L3MBTL4: variants seen among roughly 807,000 people sequenced by gnomAD.
L3MBTL4 encodes the protein lethal(3)malignant brain tumor-like protein 4.
L3MBTL4 carries 70 observed loss-of-function variants against 84.5 expected under a neutral mutation model. That is an observed-to-expected ratio of 0.83 (90% confidence interval 0.68 to 1.01). The LOEUF (loss-of-function observed/expected upper bound fraction) is 1.01, where lower values mean the gene tolerates loss of function less well. Among genes scored for constraint, L3MBTL4 ranks in the 50% least tolerant of loss-of-function variants. The pLI is 0.00. For missense variants in L3MBTL4, 715 were observed against 754.8 expected, an observed-to-expected ratio of 0.95 and a Z score of 0.62; for synonymous variants, 274 against 259.8, an observed-to-expected ratio of 1.05 and a Z score of -0.52.
intron 4 of L3MBTL4, among the ~76,000 whole-genome samples, chr18:6,280,471 C>T (rs1400062441): frequency 6.6e-6 from 1 of 152,178 alleles, no homozygotes; most frequent in Non-Finnish European, 1.5e-5. Context: ...TGTGTGCTAA[C>T]AGAGCTGCAT....
At chr18:6,102,146 C>T (rs76528073) in intron 14 of L3MBTL4, among the ~76,000 whole-genome samples, 4,117 of 152,236 alleles carry the variant, frequency 0.027, 179 homozygotes, top group African/African-American at 0.095. Flanking sequence ...TGTTTATCAG[C>T]TTGAACTGAG....
chr18:6,042,602 T>C (rs1483099798), intron 16 of L3MBTL4, among the ~76,000 whole-genome samples: 1 of 152,194 alleles, frequency 6.6e-6, no homozygotes, highest in Non-Finnish European at 1.5e-5. Context: ...CATTGTCCAG[T>C]ACTGAGACCT....
At position 6,414,381 on chromosome 18, in the gene L3MBTL4, T is replaced by A. The variant is rs996854883; in HGVS notation, c.-91+420A>T. Among the ~76,000 whole-genome samples the A allele has an allele frequency of 6.6e-6, 1 of 152,078 alleles. No individual in the cohort carries two copies. Among genetic ancestry groups the A allele is most frequent in the African/African-American group, 2.4e-5 (1 of 41,434 alleles). On this transcript the variant is annotated intron_variant, in intron 1 of 18. Coordinates refer to ENST00000317931, the MANE Select transcript of L3MBTL4 (RefSeq NM_001330559.2). This position sits in a 1 kb window ranked among gnomAD's most constrained non-coding sequence, Gnocchi z 5.4. ...CAAATGCCCACCGCCGGGCGCTCGA[T>A]GGCCGGAGGACTGCCTGGGGGCCCT...
chr18:6,012,264 C>T lies in L3MBTL4; in HGVS notation c.1445-42702G>A, dbSNP rs182265577. On this transcript the variant is annotated intron_variant, in intron 16 of 18. Coordinates refer to ENST00000317931, the MANE Select transcript of L3MBTL4 (RefSeq NM_001330559.2). ...TTATCCTAAGAGCTGTCAGGGAGGG[C>T]CACAGCAAATGCACTGAGGGATGTA... Among the ~76,000 whole-genome samples the T allele has an allele frequency of 2.0e-5, 3 of 152,172 alleles. No homozygotes were observed. In the East Asian group the frequency reaches 5.8e-4, roughly 29 times the overall value.
At chr18:6,218,007 A>AT (rs757472112) in intron 10 of L3MBTL4, among the ~76,000 whole-genome samples, 2 of 151,866 alleles carry the variant, frequency 1.3e-5, no homozygotes, top group African/African-American at 4.8e-5. Context: ...TTTAAGCTGA[A>AT]TTTTTTTTAA....
At chr18:6,016,074 A>G (rs1227967967) in intron 16 of L3MBTL4, among the ~76,000 whole-genome samples, 2 of 152,208 alleles carry the variant, frequency 1.3e-5, no homozygotes, top group Admixed American at 1.3e-4. Flanking sequence ...CCTCCACTAC[A>G]GGACAGGGCA....
intron 1 of L3MBTL4, among the ~76,000 whole-genome samples, chr18:6,312,422 T>G (rs949271447): frequency 2.6e-5 from 4 of 152,162 alleles, no homozygotes; most frequent in African/African-American, 7.2e-5. Flanking sequence ...GCAACTGAGC[T>G]CATCTCCCTC....
At position 6,410,256 on chromosome 18, in the gene L3MBTL4, C is replaced by T. The variant is rs568414810; in HGVS notation, c.-91+4545G>A. On this transcript the variant is annotated intron_variant, in intron 1 of 18. Coordinates refer to ENST00000317931, the MANE Select transcript of L3MBTL4 (RefSeq NM_001330559.2). ...CTGAACTTCCTTTTGCTTCCATTCC[C>T]CACCTGGCTAGCAGATACTCATCCT... 1.8e-3 allele frequency among the ~76,000 whole-genome samples: 269 copies of T among 152,338 alleles called. 1 individual carries two copies. The highest frequency in any genetic ancestry group is 6.3e-3 in the African/African-American group (261 of 41,582).
At chr18:6,024,722 A>T (rs748841797) in intron 16 of L3MBTL4, among the ~76,000 whole-genome samples, 12 of 152,248 alleles carry the variant, frequency 7.9e-5, no homozygotes, top group Non-Finnish European at 1.3e-4. Context: ...AAGTAAAAAG[A>T]CAGGGATAAA....
chr18:6,189,906 A>T (rs2044985912), intron 12 of L3MBTL4, among the ~76,000 whole-genome samples: 1 of 152,218 alleles, frequency 6.6e-6, no homozygotes, highest in African/African-American at 2.4e-5. Context: ...ATACTCTAAC[A>T]GATATGCAAC....
intron 15 of L3MBTL4, among the ~76,000 whole-genome samples, chr18:6,090,091 T>C (rs1172561422): frequency 6.6e-6 from 1 of 152,146 alleles, no homozygotes; most frequent in Non-Finnish European, 1.5e-5. Context: ...GCTATTCACC[T>C]CCATTTAATG....
chr18:6,159,467 C>A (rs1487360900), intron 13 of L3MBTL4, among the ~76,000 whole-genome samples: 1 of 152,212 alleles, frequency 6.6e-6, no homozygotes, highest in Non-Finnish European at 1.5e-5. Flanking sequence ...ATATTCCACA[C>A]CCCTATCTTT....
At chr18:6,235,740 G>C (rs1190908124) in intron 10 of L3MBTL4, among the ~76,000 whole-genome samples, 1 of 152,172 alleles carries the variant, frequency 6.6e-6, no homozygotes, top group East Asian at 1.9e-4. Flanking sequence ...GAATAAAAAA[G>C]TTTTGAAACT....
In L3MBTL4 at chr18:5,955,086, G is replaced by A. The variant is rs1342985042; in HGVS notation, c.*1134C>T. ...TCCCTCCACTTCTGGGAGAGTATTT[G>A]TAGCTGTTACTACCTGTAAAAGTAG... On this transcript the variant is annotated 3_prime_UTR_variant, in exon 19 of 19. Coordinates refer to ENST00000317931, the MANE Select transcript of L3MBTL4 (RefSeq NM_001330559.2). 6.6e-6 allele frequency: 1 copy of A among 152,154 alleles called. No individual in the cohort carries two copies. Among genetic ancestry groups the A allele is most frequent in the Non-Finnish European group, 1.5e-5 (1 of 68,030 alleles). 9.4% of individuals were successfully genotyped at this position (152,154 alleles called of 1,614,324 possible).
At chr18:6,166,650 A>T (rs2043674688) in intron 13 of L3MBTL4, among the ~76,000 whole-genome samples, 2 of 152,360 alleles carry the variant, frequency 1.3e-5, no homozygotes, top group Middle Eastern at 6.8e-3. Context: ...GACACAACAT[A>T]CCAGAATCTC....
Position 5,974,369 on chromosome 18 carries a change from A to G in L3MBTL4, c.1445-4807T>C, listed in dbSNP as rs74353367. On this transcript the variant is annotated intron_variant, in intron 16 of 18. Coordinates refer to ENST00000317931, the MANE Select transcript of L3MBTL4 (RefSeq NM_001330559.2). ...GGCCATGGATCTTGAGTCTAGCAGC[A>G]CTCAGAGAGGAGTAACCCATCTCCA... Among the ~76,000 whole-genome samples, 217 of 152,314 alleles carry G rather than the reference A, an allele frequency of 1.4e-3. 4 individuals carry two copies. In the East Asian group the frequency reaches 0.034, roughly 24 times the overall value.
At chr18:6,173,808 G>A (rs1242876866) in intron 12 of L3MBTL4, among the ~76,000 whole-genome samples, 1 of 152,040 alleles carries the variant, frequency 6.6e-6, no homozygotes, top group Admixed American at 6.6e-5. Context: ...AAAGTCCATG[G>A]GAGGTTATTC....
At chr18:6,206,741 G>GA (rs908036401) in intron 12 of L3MBTL4, among the ~76,000 whole-genome samples, 3 of 152,096 alleles carry the variant, frequency 2.0e-5, no homozygotes, top group East Asian at 1.9e-4. Context: ...ACTGATAGGA[G>GA]AAAAAAATAT....
At chr18:6,115,214 G>C (rs1285509109) in intron 14 of L3MBTL4, among the ~76,000 whole-genome samples, 3 of 152,222 alleles carry the variant, frequency 2.0e-5, no homozygotes, top group Non-Finnish European at 4.4e-5. Flanking sequence ...TTAAAGCAGA[G>C]TGGTGGGACA....
Sources: gnomAD v4.1 joint callset for allele counts (sites outside exome capture counted in the v4.1 genomes callset) on GRCh38, gnomAD v4.1.1 for gene constraint, Gnocchi (gnomAD v3.1) non-coding constraint, MANE v1.5 for transcripts, NCBI Gene and HGNC (gene_info 2026-07-23, HGNC 2026-07-21) for gene names.